SYT14: variants seen among roughly 807,000 people sequenced by gnomAD.
SYT14 encodes synaptotagmin 14.
SYT14 carries 32 observed loss-of-function variants against 74.2 expected under a neutral mutation model. The observed-to-expected ratio is 0.43, with a 90% CI of 0.33 to 0.58. SYT14 has a LOEUF of 0.58. SYT14 is among the 20% of genes least tolerant of loss of function. The pLI, the probability that SYT14 is intolerant of heterozygous loss-of-function variation, is 0.05. For missense variants in SYT14, 791 were observed against 981.8 expected (o/e 0.81, Z 2.60); for synonymous variants, 298 against 337.7 (o/e 0.88, Z 1.29).
At chr1:210,070,329 A>G (rs2081369923) in intron 5 of SYT14, among the ~76,000 whole-genome samples, 1 of 152,102 alleles carries the variant, frequency 6.6e-6, no homozygotes, top group Admixed American at 6.6e-5. Context: ...CATTGCAGCA[A>G]TAGCAGTTTT....
intron 2 of SYT14, among the ~76,000 whole-genome samples, chr1:210,002,133 A>G (rs535193284): frequency 6.6e-6 from 1 of 152,286 alleles, no homozygotes; most frequent in South Asian, 2.1e-4. Context: ...GCCCATAAGA[A>G]CTATACATTT....
At chr1:210,116,272 T>C (rs1039334488) in intron 7 of SYT14, among the ~76,000 whole-genome samples, 2 of 152,150 alleles carry the variant, frequency 1.3e-5, no homozygotes, top group African/African-American at 2.4e-5. Flanking sequence ...GTATGTATAT[T>C]ATCTCTGAGT....
At chr1:209,971,498 C>G (rs902957497) in intron 2 of SYT14, among the ~76,000 whole-genome samples, 39 of 152,172 alleles carry the variant, frequency 2.6e-4, no homozygotes, top group African/African-American at 8.9e-4. Flanking sequence ...TTTGTCCAGT[C>G]AGTATAATAT....
At chr1:209,963,603 TGAG>T (rs955082441) in intron 2 of SYT14, among the ~76,000 whole-genome samples, 2 of 152,212 alleles carry the variant, frequency 1.3e-5, no homozygotes, top group African/African-American at 4.8e-5. Context: ...GTCATTTTCA[TGAG>T]GAGAAAAAAT....
At chr1:209,975,121 G>A (rs963966357) in intron 2 of SYT14, among the ~76,000 whole-genome samples, 2 of 152,278 alleles carry the variant, frequency 1.3e-5, no homozygotes, top group African/African-American at 4.8e-5. Flanking sequence ...GGCTGAGACA[G>A]TGGGGTTTTC....
At chr1:210,017,219 T>G (rs368098446) in intron 4 of SYT14, 2 of 645,914 alleles carry the variant, frequency 3.1e-6, no homozygotes, top group African/African-American at 3.8e-5. Flanking sequence ...AAGACTTTCT[T>G]GAATCCTTTT....
intron 2 of SYT14, among the ~76,000 whole-genome samples, chr1:210,003,921 T>C (rs1452583686): frequency 6.6e-6 from 1 of 152,126 alleles, no homozygotes; most frequent in Non-Finnish European, 1.5e-5. Context: ...CTGTTTGTTT[T>C]ATTCTGCTTT....
intron 1 of SYT14, among the ~76,000 whole-genome samples, chr1:209,947,948 T>A (rs1233650578): frequency 6.6e-6 from 1 of 152,214 alleles, no homozygotes; most frequent in Non-Finnish European, 1.5e-5. Flanking sequence ...TAGGACTTGC[T>A]GAAGGCCTAG....
chr1:210,037,595 A>T lies in SYT14; in HGVS notation c.1312+16341A>T, dbSNP rs531390866. ...ATAGTGCTATAGACTGCCTCTTAGC[A>T]TTGCTTTTGCTGTATCTCAGAGGTT... On this transcript the variant is annotated intron_variant, in intron 5 of 9. Transcript: ENST00000637265. 1.1e-3 allele frequency among the ~76,000 whole-genome samples: 171 copies of T among 150,208 alleles called. 3 individuals carry two copies. The highest frequency in any genetic ancestry group is 4.8e-3 in the South Asian group (23 of 4,750).
intron 5 of SYT14, among the ~76,000 whole-genome samples, chr1:210,050,247 G>A (rs2102374902): frequency 6.6e-6 from 1 of 152,196 alleles, no homozygotes; most frequent in African/African-American, 2.4e-5. Context: ...ACAAATCTCT[G>A]GGGCAGGGGC....
intron 2 of SYT14, among the ~76,000 whole-genome samples, chr1:209,996,766 G>A (rs756239171): frequency 5.9e-5 from 9 of 152,010 alleles, no homozygotes; most frequent in African/African-American, 1.7e-4. Context: ...GTTAATTTAC[G>A]ATGATTAAGT....
At chr1:209,999,225 A>T (rs955654698) in intron 2 of SYT14, among the ~76,000 whole-genome samples, 1 of 152,166 alleles carries the variant, frequency 6.6e-6, no homozygotes, top group Admixed American at 6.5e-5. Context: ...ACCAGTTAAA[A>T]TGGCTATTAT....
intron 8 of SYT14, among the ~76,000 whole-genome samples, chr1:210,158,964 G>T (rs1324391069): frequency 6.6e-6 from 1 of 151,892 alleles, no homozygotes; most frequent in Non-Finnish European, 1.5e-5. Flanking sequence ...AAGTTCAATA[G>T]TCCTATTTTG....
intron 5 of SYT14, among the ~76,000 whole-genome samples, chr1:210,080,671 A>G (rs2081600343): frequency 6.6e-6 from 1 of 152,208 alleles, no homozygotes; most frequent in Non-Finnish European, 1.5e-5. Context: ...GTACAAAGAT[A>G]AGAGACAGTT....
intron 7 of SYT14, among the ~76,000 whole-genome samples, chr1:210,137,893 C>G (rs2082824193): frequency 6.6e-6 from 1 of 152,088 alleles, no homozygotes; most frequent in Admixed American, 6.5e-5. Flanking sequence ...GTTGGTCAAG[C>G]TGGTCTCAAA....
chr1:210,067,623 T>C (rs1355763105), intron 5 of SYT14, among the ~76,000 whole-genome samples: 1 of 151,980 alleles, frequency 6.6e-6, no homozygotes, highest in Non-Finnish European at 1.5e-5. Flanking sequence ...GAATTTGGTA[T>C]TTATGCATCT....
intron 5 of SYT14, among the ~76,000 whole-genome samples, chr1:210,024,066 A>G (rs927331333): frequency 3.9e-5 from 6 of 152,340 alleles, no homozygotes; most frequent in African/African-American, 1.2e-4. Context: ...CTTGGCTCCA[A>G]CATAGGTGCG....
intron 2 of SYT14, among the ~76,000 whole-genome samples, chr1:209,953,885 C>T (rs953920607): frequency 1.3e-5 from 2 of 152,146 alleles, no homozygotes; most frequent in East Asian, 3.8e-4. Context: ...GATTGTGATT[C>T]TCATGCTATA....
In SYT14 at chr1:210,134,985, C is replaced by CT. The variant is rs530229562; in HGVS notation, c.2035-20725dup. On this transcript the variant is annotated intron_variant, in intron 7 of 9. Coordinates refer to ENST00000637265, the Ensembl canonical transcript of SYT14. The stretch of plus-strand genomic sequence containing the variant: ...TTGTGTTCTTAATTTTTTTCCCTGT[C>CT]TTTTTTTTTTTCAAAAACAGAGTCT... 3.9e-3 allele frequency among the ~76,000 whole-genome samples: 566 copies of CT among 146,388 alleles called. 6 individuals carry two copies. The highest frequency in any genetic ancestry group is 0.027 in the South Asian group (126 of 4,602).
Sources: allele counts gnomAD v4.1 joint callset (sites outside exome capture counted in the v4.1 genomes callset), GRCh38; gene constraint gnomAD v4.1.1; transcripts MANE v1.5; gene names NCBI Gene and HGNC (gene_info 2026-07-23, HGNC 2026-07-21).